The following MAP3K2 variants were observed in gnomAD, a reference collection of about 807,000 sequenced individuals.
MAP3K2 encodes the protein MAP/ERK kinase kinase 2.
MAP3K2 carries 24 observed loss-of-function variants against 80.3 expected under a neutral mutation model. The observed-to-expected ratio is 0.30, with a 90% CI of 0.22 to 0.42. MAP3K2 has a LOEUF of 0.42. Ranked by LOEUF, MAP3K2 falls within the 10% of genes least tolerant of loss-of-function variation. The probability of loss-of-function intolerance (pLI) is 1.00; values close to 1 mark genes in which losing one functional copy is unlikely to be tolerated. For missense variants in MAP3K2, 608 were observed against 750.1 expected, an observed-to-expected ratio of 0.81 and a Z score of 2.21; for synonymous variants, 244 against 253.7, an observed-to-expected ratio of 0.96 and a Z score of 0.36.
Position 127,336,948 on chromosome 2 carries a change from C to G in MAP3K2, c.164+790G>C, listed in dbSNP as rs190360149. On this transcript the variant is annotated intron_variant, in intron 4 of 16. Coordinates refer to ENST00000682094, the MANE Select transcript of MAP3K2 (RefSeq NM_001371910.2). Reference sequence around the variant, plus strand: ...CTGAGGTCAGGAGTTCGAGACCAGCCTGGCCAACATGGTGAAACCCTATCT... The same window carrying G: ...CTGAGGTCAGGAGTTCGAGACCAGCGTGGCCAACATGGTGAAACCCTATCT... Among the ~76,000 whole-genome samples, 355 of 152,248 alleles carry G rather than the reference C, an allele frequency of 2.3e-3. 1 individual carries two copies. The highest frequency in any genetic ancestry group is 7.8e-3 in the African/African-American group (322 of 41,544).
chr2:127,378,982 T>TTGC (rs56071936), intron 1 of MAP3K2, among the ~76,000 whole-genome samples: 1 of 28,532 alleles, frequency 3.5e-5, no homozygotes, highest in African/African-American at 9.2e-5. Flanking sequence ...TTTTTTGTTG[T>TTGC]TTTTTTTTTT....
intron 1 of MAP3K2, among the ~76,000 whole-genome samples, chr2:127,375,259 G>C (rs1423812368): frequency 6.6e-6 from 1 of 152,004 alleles, no homozygotes; most frequent in Non-Finnish European, 1.5e-5. Context: ...GGGACCCATA[G>C]CCCCGAACAA....
intron 1 of MAP3K2, among the ~76,000 whole-genome samples, chr2:127,379,429 G>C (rs530741303): frequency 3.9e-5 from 6 of 152,196 alleles, no homozygotes; most frequent in Non-Finnish European, 7.3e-5. Flanking sequence ...GTGAGGCTTA[G>C]AGAGTGGAGC....
At chr2:127,383,879 T>C (rs1345140329) in intron 1 of MAP3K2, among the ~76,000 whole-genome samples, 1 of 89,104 alleles carries the variant, frequency 1.1e-5, no homozygotes, top group Middle Eastern at 6.6e-3. Flanking sequence ...AAATAATTTT[T>C]TTTTTTTTTT....
chr2:127,361,928 A>G, intron 1 of MAP3K2, among the ~76,000 whole-genome samples: 1 of 152,240 alleles, frequency 6.6e-6, no homozygotes, highest in Non-Finnish European at 1.5e-5. Flanking sequence ...AGTGCTGAAT[A>G]AAATAATATA....
chr2:127,318,150 T>C lies in MAP3K2; in HGVS notation c.1194+19A>G. Reference sequence around the variant, plus strand: ...AGTTTCTTATAATGTGACAAAGTAATTTGTGCAGTGATTTTTACCTTGCTG... The same window carrying C: ...AGTTTCTTATAATGTGACAAAGTAACTTGTGCAGTGATTTTTACCTTGCTG... On this transcript the variant is annotated intron_variant, in intron 13 of 16. Coordinates refer to ENST00000682094, the MANE Select transcript of MAP3K2 (RefSeq NM_001371910.2). 1 of 1,557,498 alleles carries C rather than the reference T, an allele frequency of 6.4e-7. No individual in the cohort carries two copies. The highest frequency in any genetic ancestry group is 8.6e-7 in the Non-Finnish European group (1 of 1,156,426).
intron 1 of MAP3K2, among the ~76,000 whole-genome samples, chr2:127,359,541 G>C (rs911958895): frequency 6.6e-6 from 1 of 152,078 alleles, no homozygotes; most frequent in African/African-American, 2.4e-5. Context: ...AGAAATGTTC[G>C]ACAATTTTTT....
chr2:127,325,661 C>A lies in MAP3K2; in HGVS notation c.677+67G>T. 3.1e-6 allele frequency: 4 copies of A among 1,297,090 alleles called. 1 individual carries two copies. In the South Asian group the frequency reaches 4.8e-5, roughly 16 times the overall value. The allele number at this position is 1,297,090 out of a possible 1,614,324, so 80.3% of individuals were successfully genotyped here. ...CGCATTCACGCCACTGCGCTCCAGC[C>A]TGGGTGACAGCAAAACTCTGTCTCA... On this transcript the variant is annotated intron_variant, in intron 9 of 16. Coordinates refer to ENST00000682094, the MANE Select transcript of MAP3K2 (RefSeq NM_001371910.2).
At chr2:127,366,056 A>C (rs1285138777) in intron 1 of MAP3K2, among the ~76,000 whole-genome samples, 1 of 152,180 alleles carries the variant, frequency 6.6e-6, no homozygotes, top group Non-Finnish European at 1.5e-5. Context: ...GCTTCCAAAC[A>C]AACCTTGTTT....
rs1197083671 is a variant in MAP3K2, at chr2:127,350,459, A to C, written c.-65-7265T>G. Reference sequence around the variant, plus strand: ...TCCTGAAACAAAAACAAAAACAAAAAAAAAAAAAAAAAGAAAGAAGAAAAC... The same window carrying C: ...TCCTGAAACAAAAACAAAAACAAAACAAAAAAAAAAAAGAAAGAAGAAAAC... On this transcript the variant is annotated intron_variant, in intron 1 of 16. Transcript: ENST00000682094. Among the ~76,000 whole-genome samples the C allele has an allele frequency of 4.7e-5, 7 of 149,076 alleles. 1 individual carries two copies. The highest frequency in any genetic ancestry group is 1.2e-4 in the African/African-American group (5 of 41,002).
intron 1 of MAP3K2, among the ~76,000 whole-genome samples, chr2:127,376,336 C>T (rs1460306143): frequency 6.6e-6 from 1 of 152,074 alleles, no homozygotes; most frequent in East Asian, 1.9e-4. Context: ...GGGGGGAGCG[C>T]AACCATGTGA....
At chr2:127,341,219 G>C (rs554941171) in intron 2 of MAP3K2, among the ~76,000 whole-genome samples, 1 of 151,842 alleles carries the variant, frequency 6.6e-6, no homozygotes. Flanking sequence ...TCGATCTCCC[G>C]GCCTCGTGAT....
chr2:127,384,667 C>A (rs1003344373), intron 1 of MAP3K2, among the ~76,000 whole-genome samples: 1 of 150,396 alleles, frequency 6.6e-6, no homozygotes, highest in Admixed American at 6.6e-5. Flanking sequence ...AACAAAGTGG[C>A]CTTTTTTTTT....
Position 127,374,037 on chromosome 2 carries a change from T to C in MAP3K2, c.-66+13415A>G, listed in dbSNP as rs779042810. Among the ~76,000 whole-genome samples, 6 of 152,230 alleles carry C rather than the reference T, an allele frequency of 3.9e-5. No individual in the cohort carries two copies. The East Asian group carries it at 9.6e-4, about 24-fold the overall frequency. On this transcript the variant is annotated intron_variant, in intron 1 of 16. Coordinates refer to ENST00000682094, the MANE Select transcript of MAP3K2 (RefSeq NM_001371910.2). Reference sequence around the variant, plus strand: ...ATCCCCCATACCTAATGCTTTAACATTGTTTACTAATGGCTCTGGTAAACA... The same window carrying C: ...ATCCCCCATACCTAATGCTTTAACACTGTTTACTAATGGCTCTGGTAAACA...
intron 1 of MAP3K2, among the ~76,000 whole-genome samples, chr2:127,345,141 C>T (rs1484710889): frequency 2.0e-5 from 3 of 152,202 alleles, no homozygotes; most frequent in Non-Finnish European, 4.4e-5. Context: ...AACCACAACA[C>T]CTGGTCCACA....
At chr2:127,330,122 C>A (rs1429613655) in intron 6 of MAP3K2, 114 bp from the exon 7 acceptor site, 8 of 658,252 alleles carry the variant, frequency 1.2e-5, no homozygotes, top group Non-Finnish European at 1.3e-5. Flanking sequence ...TTAATCAAAT[C>A]CTCTACTCTT....
Position 127,307,367 on chromosome 2 carries a change from C to A in MAP3K2, c.*212G>T. ...TTATAAAAATTAAAAAAAAAAACTT[C>A]AAGTTCTTGTAAGGGAAAAAAAGAT... On this transcript the variant is annotated 3_prime_UTR_variant, in exon 17 of 17. Coordinates refer to ENST00000682094, the MANE Select transcript of MAP3K2 (RefSeq NM_001371910.2). The surrounding 1 kb of genome is among the most constrained non-coding windows in gnomAD (Gnocchi z 5.4). 3.1e-6 allele frequency: 1 copy of A among 322,888 alleles called. No individual in the cohort carries two copies. Among genetic ancestry groups the A allele is most frequent in the Non-Finnish European group, 5.5e-6 (1 of 180,322 alleles). 20.0% of individuals were successfully genotyped at this position (322,888 alleles called of 1,614,324 possible). A position where few individuals can be genotyped will look rare whatever the true frequency, so the allele number is the denominator to read the frequency against.
At chr2:127,335,405 C>T (rs1686345724) in intron 5 of MAP3K2, among the ~76,000 whole-genome samples, 1 of 152,178 alleles carries the variant, frequency 6.6e-6, no homozygotes, top group South Asian at 2.1e-4. Context: ...CAACGCAGAG[C>T]TCCTCACTGC....
chr2:127,376,068 G>A, intron 1 of MAP3K2, among the ~76,000 whole-genome samples: 1 of 152,140 alleles, frequency 6.6e-6, no homozygotes, highest in South Asian at 2.1e-4. Flanking sequence ...ACAGAAAAGG[G>A]AGAGATGTAG....
Sources: gnomAD v4.1 joint callset for allele counts (sites outside exome capture counted in the v4.1 genomes callset) on GRCh38, gnomAD v4.1.1 for gene constraint, Gnocchi (gnomAD v3.1) non-coding constraint, MANE v1.5 for transcripts, NCBI Gene and HGNC (gene_info 2026-07-23, HGNC 2026-07-21) for gene names.